The following SNTG1 variants were observed in gnomAD, a reference collection of about 807,000 sequenced individuals.
SNTG1 encodes the protein syntrophin gamma 1, also known as gamma-1-syntrophin.
SNTG1 carries 39 observed loss-of-function variants against 74.7 expected under a neutral mutation model. That is an observed-to-expected ratio of 0.52 (90% CI 0.40 to 0.68). The LOEUF (loss-of-function observed/expected upper bound fraction) is 0.68. SNTG1 is among the 30% of genes least tolerant of loss of function. SNTG1 has a pLI of 0.00. For synonymous variants in SNTG1, 254 were observed against 217.1 expected (o/e 1.17, Z -1.49); for missense variants, 685 against 609.5 (o/e 1.12, Z -1.30).
Position 50,473,966 on chromosome 8 carries a change from GT to G in SNTG1, c.363+23248del, listed in dbSNP as rs1032627307. 1.4e-3 allele frequency among the ~76,000 whole-genome samples: 211 copies of G among 148,720 alleles called. 1 individual carries two copies. Among genetic ancestry groups the G allele is most frequent in the East Asian group, 0.014 (70 of 5,092 alleles). On this transcript the variant is annotated intron_variant, in intron 8 of 18. Coordinates refer to ENST00000642720, the MANE Select transcript of SNTG1 (RefSeq NM_018967.5). ...AGGGGTATAGAATTTTAGTTTTTAA[GT>G]TTTTTTTTTTCTTTTCCCCACTGGC...
At chr8:50,789,115 C>A (rs1483731968) in intron 18 of SNTG1, among the ~76,000 whole-genome samples, 1 of 151,938 alleles carries the variant, frequency 6.6e-6, no homozygotes, top group Non-Finnish European at 1.5e-5. Flanking sequence ...AGTAGACTTG[C>A]CTGTAGTAAC....
intron 17 of SNTG1, among the ~76,000 whole-genome samples, chr8:50,723,427 TG>T (rs1408748362): frequency 6.6e-6 from 1 of 152,152 alleles, no homozygotes; most frequent in African/African-American, 2.4e-5. Flanking sequence ...CAGAGACCAT[TG>T]GGCTTGCACA....
chr8:50,089,081 G>C (rs1213914353), intron 1 of SNTG1, among the ~76,000 whole-genome samples: 1 of 151,276 alleles, frequency 6.6e-6, no homozygotes, highest in African/African-American at 2.4e-5. Context: ...GAACAGAACA[G>C]AGCCCTCAGA....
intron 18 of SNTG1, among the ~76,000 whole-genome samples, chr8:50,753,561 G>A (rs1323456162): frequency 6.6e-6 from 1 of 151,854 alleles, no homozygotes; most frequent in Admixed American, 6.6e-5. Context: ...GCAATCTAAT[G>A]GCTACTAACT....
At chr8:50,772,271 A>G (rs966083473) in intron 18 of SNTG1, among the ~76,000 whole-genome samples, 1 of 152,130 alleles carries the variant, frequency 6.6e-6, no homozygotes, top group African/African-American at 2.4e-5. Context: ...AAGACCTTAG[A>G]ACACACCCTT....
At chr8:49,913,831 G>C (rs1805784719) in intron 1 of SNTG1, among the ~76,000 whole-genome samples, 1 of 152,202 alleles carries the variant, frequency 6.6e-6, no homozygotes, top group African/African-American at 2.4e-5. Context: ...GACTCCCCTA[G>C]TCAGTAGGGC....
intron 17 of SNTG1, among the ~76,000 whole-genome samples, chr8:50,713,979 A>G (rs896792335): frequency 1.3e-5 from 2 of 151,186 alleles, no homozygotes; most frequent in Non-Finnish European, 2.9e-5. Context: ...GAATTGCTTG[A>G]ACCCAGGAGA....
chr8:49,927,639 A>T lies in SNTG1; in HGVS notation c.-103+15408A>T, dbSNP rs1250060617. ...GGCAGAATTATGGAGACAGTAAAAA[A>T]TATAAAAATCATAATAAATTATTGA... On this transcript the variant is annotated intron_variant, in intron 1 of 18. Transcript: ENST00000642720. Among the ~76,000 whole-genome samples the T allele has an allele frequency of 5.3e-5, 8 of 152,322 alleles. No homozygotes were observed. The East Asian group carries it at 1.5e-3, about 29-fold the overall frequency.
intron 9 of SNTG1, among the ~76,000 whole-genome samples, chr8:50,527,484 A>G (rs1483835275): frequency 1.3e-5 from 2 of 152,106 alleles, no homozygotes; most frequent in Non-Finnish European, 2.9e-5. Context: ...TGTGCATCTT[A>G]CATAAGAATC....
rs185402502 is a variant in SNTG1, at chr8:49,947,947, A to G, written c.-103+35716A>G. Among the ~76,000 whole-genome samples, 175 of 152,246 alleles carry G rather than the reference A, an allele frequency of 1.1e-3. 1 individual carries two copies. Among genetic ancestry groups the G allele is most frequent in the Middle Eastern group, 3.4e-3 (1 of 294 alleles). On this transcript the variant is annotated intron_variant, in intron 1 of 18. Transcript: ENST00000642720. Reference sequence around the variant, plus strand: ...GGAGTTCGAGAACAGCCTGGCCAACATGGTGAAACCCCCTCTCTACTAAAA... The same window carrying G: ...GGAGTTCGAGAACAGCCTGGCCAACGTGGTGAAACCCCCTCTCTACTAAAA...
intron 4 of SNTG1, among the ~76,000 whole-genome samples, chr8:50,425,152 G>A (rs931926135): frequency 6.6e-6 from 1 of 152,168 alleles, no homozygotes; most frequent in Non-Finnish European, 1.5e-5. Context: ...TGAAAGCTAA[G>A]TGGAGATAAG....
At chr8:50,671,608 A>AT (rs2095283191) in intron 15 of SNTG1, among the ~76,000 whole-genome samples, 2 of 152,158 alleles carry the variant, frequency 1.3e-5, no homozygotes, top group African/African-American at 4.8e-5. Context: ...ACTGTAAACT[A>AT]GTTCAACCAT....
chr8:50,383,512 G>C (rs1304768632), intron 2 of SNTG1, among the ~76,000 whole-genome samples: 1 of 152,118 alleles, frequency 6.6e-6, no homozygotes, highest in Non-Finnish European at 1.5e-5. Flanking sequence ...AAATGAGAAA[G>C]AAATAACAAT....
At chr8:50,250,325 T>C (rs140188717) in intron 2 of SNTG1, among the ~76,000 whole-genome samples, 180 of 152,082 alleles carry the variant, frequency 1.2e-3, no homozygotes, top group African/African-American at 3.9e-3. Context: ...ATGTGATATA[T>C]GGGACTTCAT....
intron 13 of SNTG1, among the ~76,000 whole-genome samples, chr8:50,629,533 T>G (rs1037177148): frequency 2.0e-5 from 3 of 152,096 alleles, no homozygotes; most frequent in African/African-American, 7.2e-5. Flanking sequence ...TACAGAATTC[T>G]GTTAAGATAC....
At chr8:50,630,823 G>A (rs2094992293) in intron 13 of SNTG1, among the ~76,000 whole-genome samples, 1 of 152,216 alleles carries the variant, frequency 6.6e-6, no homozygotes, top group African/African-American at 2.4e-5. Flanking sequence ...TGAAAGGAGA[G>A]AGATAACTTG....
intron 2 of SNTG1, among the ~76,000 whole-genome samples, chr8:50,329,403 A>T (rs1437790671): frequency 2.6e-5 from 4 of 152,166 alleles, no homozygotes; most frequent in African/African-American, 9.7e-5. Flanking sequence ...CTGCCTGGAC[A>T]TCCGCGCATT....
chr8:50,177,983 G>C (rs1311027658), intron 2 of SNTG1, among the ~76,000 whole-genome samples: 1 of 152,118 alleles, frequency 6.6e-6, no homozygotes, highest in Non-Finnish European at 1.5e-5. Context: ...TAGCCTTTCA[G>C]AATGGCTTCC....
intron 1 of SNTG1, among the ~76,000 whole-genome samples, chr8:49,983,478 T>C (rs1462199905): frequency 6.6e-6 from 1 of 152,204 alleles, no homozygotes; most frequent in Non-Finnish European, 1.5e-5. Flanking sequence ...ATCCTTTTGT[T>C]TTTTGGATTT....
Sources: allele counts gnomAD v4.1 joint callset (sites outside exome capture counted in the v4.1 genomes callset), GRCh38; gene constraint gnomAD v4.1.1; transcripts MANE v1.5; gene names NCBI Gene and HGNC (gene_info 2026-07-23, HGNC 2026-07-21).